The following COMMD10 variants were observed in gnomAD, a reference collection of about 807,000 sequenced individuals.
COMMD10 encodes the protein COMM domain-containing protein 10.
A neutral mutation model predicts 28.9 loss-of-function variants in COMMD10; 33 were observed. The ratio of observed to expected loss-of-function variants is 1.14; its 90% CI spans 0.87 to 1.53. COMMD10 has a LOEUF of 1.53. COMMD10 is among the 40% of genes most tolerant of loss of function. The probability of loss-of-function intolerance (pLI) is 0.00; values close to 1 mark genes in which losing one functional copy is unlikely to be tolerated. For synonymous variants in COMMD10, 110 were observed against 81.7 expected, an observed-to-expected ratio of 1.35 and a Z score of -1.87; for missense variants, 310 against 233.4, an observed-to-expected ratio of 1.33 and a Z score of -2.14.
At chr5:116,226,545 T>C (rs996775657) in intron 5 of COMMD10, among the ~76,000 whole-genome samples, 2 of 151,904 alleles carry the variant, frequency 1.3e-5, no homozygotes, top group African/African-American at 2.4e-5. Context: ...GCTGCAGATA[T>C]CTAGACATTT....
intron 4 of COMMD10, among the ~76,000 whole-genome samples, chr5:116,097,829 G>T (rs10072350): frequency 0.74 from 111,440 of 151,156 alleles, 41,482 homozygotes; most frequent in Non-Finnish European, 0.8. Context: ...AGGAGGGAGG[G>T]GCTACATACT....
At chr5:116,148,863 CTTTAAG>C (rs1752423645) in intron 5 of COMMD10, among the ~76,000 whole-genome samples, 1 of 151,136 alleles carries the variant, frequency 6.6e-6, no homozygotes, top group African/African-American at 2.4e-5. Flanking sequence ...TATTATTATA[CTTTAAG>C]TTTTAAGTTT....
chr5:116,150,878 GA>G lies in COMMD10; in HGVS notation c.510+16702del, dbSNP rs1265320031. Among the ~76,000 whole-genome samples the G allele has an allele frequency of 7.1e-3, 1,073 of 150,170 alleles. 14 individuals carry two copies. Among genetic ancestry groups the G allele is most frequent in the African/African-American group, 0.025 (1,000 of 40,798 alleles). On this transcript the variant is annotated intron_variant, in intron 5 of 6. Coordinates refer to ENST00000274458, the MANE Select transcript of COMMD10 (RefSeq NM_016144.4). Reference sequence around the variant, plus strand: ...TTCTCCTGCCTAATTGCCCTGGCCAGAACTTCCAACACTATGTTGAATAGGA... The same window carrying G: ...TTCTCCTGCCTAATTGCCCTGGCCAGACTTCCAACACTATGTTGAATAGGA...
intron 4 of COMMD10, among the ~76,000 whole-genome samples, chr5:116,125,200 C>T (rs550914380): frequency 1.3e-5 from 2 of 152,202 alleles, no homozygotes; most frequent in South Asian, 4.1e-4. Flanking sequence ...ACCAGTTGTT[C>T]CTTTCCATGT....
intron 5 of COMMD10, among the ~76,000 whole-genome samples, chr5:116,209,777 T>C (rs1180573601): frequency 6.6e-6 from 1 of 152,194 alleles, no homozygotes; most frequent in Non-Finnish European, 1.5e-5. Flanking sequence ...TTACAGTTTT[T>C]TTGGACAGAT....
intron 4 of COMMD10, among the ~76,000 whole-genome samples, chr5:116,103,501 T>C (rs894515713): frequency 5.9e-5 from 9 of 152,188 alleles, no homozygotes; most frequent in Non-Finnish European, 1.5e-5. Flanking sequence ...CTTTGCCCAC[T>C]TTTTGATGGG....
intron 5 of COMMD10, among the ~76,000 whole-genome samples, chr5:116,264,625 C>G (rs1279160490): frequency 6.6e-6 from 1 of 151,900 alleles, no homozygotes; most frequent in Non-Finnish European, 1.5e-5. Context: ...ATAACAGACA[C>G]AGCACTGTGG....
At chr5:116,228,018 G>A (rs10071788) in intron 5 of COMMD10, among the ~76,000 whole-genome samples, 18 of 151,748 alleles carry the variant, frequency 1.2e-4, no homozygotes, top group Admixed American at 5.3e-4. Context: ...TTCAATGGAG[G>A]TTAAAATCTT....
chr5:116,149,124 C>CGGTGTTTGGTGATATGCGGTGTTTGGT, intron 5 of COMMD10, among the ~76,000 whole-genome samples: 1 of 149,162 alleles, frequency 6.7e-6, no homozygotes, highest in Admixed American at 6.7e-5. Flanking sequence ...TTTGTTCTTG[C>CGGTGTTTGGTGATATGCGGTGTTTGGT]GATAGTTTAC....
chr5:116,273,075 A>G (rs1206805080), intron 5 of COMMD10, among the ~76,000 whole-genome samples: 1 of 151,816 alleles, frequency 6.6e-6, no homozygotes, highest in Non-Finnish European at 1.5e-5. Context: ...TTCATCTTAA[A>G]TGTGATGCTT....
At chr5:116,173,817 T>C (rs1158763248) in intron 5 of COMMD10, among the ~76,000 whole-genome samples, 2 of 150,434 alleles carry the variant, frequency 1.3e-5, no homozygotes, top group African/African-American at 5.0e-5. Context: ...TCCAACTGTT[T>C]TTGGGTTTTT....
chr5:116,252,332 T>G (rs1481159745), intron 5 of COMMD10, among the ~76,000 whole-genome samples: 2 of 143,060 alleles, frequency 1.4e-5, no homozygotes, highest in South Asian at 2.2e-4. Flanking sequence ...TTTTGGCTTT[T>G]GTTGCCATTG....
At chr5:116,197,627 C>T (rs188619177) in intron 5 of COMMD10, among the ~76,000 whole-genome samples, 3,009 of 152,214 alleles carry the variant, frequency 0.02, 43 homozygotes, top group Non-Finnish European at 0.032. Context: ...AGTGATCCAT[C>T]CCCCTCGGCC....
intron 5 of COMMD10, among the ~76,000 whole-genome samples, chr5:116,210,057 A>G (rs902541548): frequency 1.3e-5 from 2 of 152,088 alleles, no homozygotes; most frequent in African/African-American, 4.8e-5. Context: ...AGTTGTGCTT[A>G]GAAGACAGAG....
chr5:116,173,853 T>G (rs1449513540), intron 5 of COMMD10, among the ~76,000 whole-genome samples: 3 of 151,158 alleles, frequency 2.0e-5, no homozygotes, highest in African/African-American at 4.9e-5. Flanking sequence ...GTTTTTGTTT[T>G]TTTTTTTTTG....
At chr5:116,173,554 A>G (rs561597566) in intron 5 of COMMD10, among the ~76,000 whole-genome samples, 3 of 152,270 alleles carry the variant, frequency 2.0e-5, no homozygotes, top group African/African-American at 7.2e-5. Flanking sequence ...TTTAAAAAAG[A>G]CTATTTCATC....
intron 5 of COMMD10, among the ~76,000 whole-genome samples, chr5:116,162,039 C>G (rs1580505717): frequency 6.6e-6 from 1 of 152,094 alleles, no homozygotes; most frequent in Non-Finnish European, 1.5e-5. Flanking sequence ...ATTTTCGCCA[C>G]TTTTTGACTG....
intron 5 of COMMD10, among the ~76,000 whole-genome samples, chr5:116,234,503 A>G (rs1282558337): frequency 6.6e-6 from 1 of 152,170 alleles, no homozygotes; most frequent in East Asian, 1.9e-4. Context: ...GGCTTTGAAG[A>G]TGGGTAAAAT....
In COMMD10 at chr5:116,234,227, A is replaced by G. The variant is rs569146728; in HGVS notation, c.511-57290A>G. Among the ~76,000 whole-genome samples, 46 of 152,334 alleles carry G rather than the reference A, an allele frequency of 3.0e-4. 1 individual carries two copies. Among genetic ancestry groups the G allele is most frequent in the Admixed American group, 6.5e-4 (10 of 15,296 alleles). ...TTCTCAGCAGCATCAGAGTAATACA[A>G]TGAAATTCCTCATAGAAATACTATC... On this transcript the variant is annotated intron_variant, in intron 5 of 6. Transcript: ENST00000274458.
Sources: gnomAD v4.1 joint callset for allele counts (sites outside exome capture counted in the v4.1 genomes callset) on GRCh38, gnomAD v4.1.1 for gene constraint, MANE v1.5 for transcripts, NCBI Gene and HGNC (gene_info 2026-07-23, HGNC 2026-07-21) for gene names.